The following KMT2B variants were observed in gnomAD, a reference collection of about 807,000 sequenced individuals.
The protein encoded by KMT2B is lysine methyltransferase 2B, also known as histone-lysine N-methyltransferase 2B.
A neutral mutation model predicts 255.3 loss-of-function variants in KMT2B; 22 were observed. That is an observed-to-expected ratio of 0.09 (90% CI 0.06 to 0.12). The LOEUF is 0.12. Ranked by LOEUF, KMT2B falls within the 10% of genes least tolerant of loss-of-function variation. The probability of loss-of-function intolerance (pLI) is 1.00; values close to 1 mark genes in which losing one functional copy is unlikely to be tolerated. For missense variants in KMT2B, 3,149 were observed against 3,737.0 expected, an observed-to-expected ratio of 0.84 and a Z score of 4.10; for synonymous variants, 1,730 against 1,498.1, an observed-to-expected ratio of 1.15 and a Z score of -3.57.
chr19:35,720,428 C>T lies in KMT2B; in HGVS notation c.1081C>T (p.Leu361=), dbSNP rs1969137831. The change falls in exon 3 of 37, where the codon CTG becomes TTG. Residue 361 remains leucine (L), a synonymous_variant. Transcript: ENST00000420124. Reference sequence around the variant, plus strand: ...TTGCTGGAAAAAGCAGGAACAGAAGCTGGATGACGAGGAAGAAGAGAAGAA... The same window carrying T: ...TTGCTGGAAAAAGCAGGAACAGAAGTTGGATGACGAGGAAGAAGAGAAGAA... ...SPCWKKQEQK[L]DDEEEEKKEE... 1.3e-6 allele frequency: 2 copies of T among 1,558,294 alleles called. No homozygotes were observed. The highest frequency in any genetic ancestry group is 2.0e-5 in the Admixed American group (1 of 51,262).
intron 8 of KMT2B, 121 bp downstream of exon 8, chr19:35,724,128 CGGA>C (rs994530292): frequency 1.1e-5 from 11 of 973,962 alleles, no homozygotes; most frequent in Non-Finnish European, 1.3e-5. Context: ...TGGCTGAGGG[CGGA>C]GGAGGAGACA....
At position 35,723,793 on chromosome 19, in the gene KMT2B, T is replaced by C. The variant is rs769448045; in HGVS notation, c.3120T>C (p.Pro1040=). ...WDSDESPEAS[P]GPPGPRRGAG... ...CCGATGAATCTCCTGAGGCCTCCCC[T>C]GGTCCTCCAGGCCCACGCCGGGGGG... Residue 1040 remains proline, a synonymous_variant, in exon 8 of 37, where the codon CCT becomes CCC. Transcript: ENST00000420124. This position sits in a 1 kb window ranked among gnomAD's most constrained non-coding sequence, Gnocchi z 7.5. 1.3e-6 allele frequency: 2 copies of C among 1,585,726 alleles called. No homozygotes were observed. Among genetic ancestry groups the C allele is most frequent in the Admixed American group, 1.8e-5 (1 of 54,598 alleles).
Position 35,732,926 on chromosome 19 carries a change from A to G in KMT2B, c.6377A>G (p.Asp2126Gly). The change falls in exon 28 of 37, where the codon GAT (aspartate) becomes GGT (glycine). Residue 2126 changes from aspartate to glycine, a missense_variant. By Grantham distance (94) the Asp-to-Gly change is moderately conservative. Transcript: ENST00000420124. The part of the protein sequence containing the change: ...FVLKNLGGPG[D>G]GGAGPREESL... The stretch of plus-strand genomic sequence containing the variant: ...TTGAAGAACCTAGGGGGTCCTGGGG[A>G]TGGAGGTGCTGGCCCTAGAGAGGAG... 1 of 1,608,750 alleles carries G rather than the reference A, an allele frequency of 6.2e-7. No individual in the cohort carries two copies.
At position 35,724,894 on chromosome 19, in the gene KMT2B, T is replaced by C. The variant is rs935610138; in HGVS notation, c.3430-95T>C. 3.5e-6 allele frequency: 4 copies of C among 1,156,196 alleles called. No individual in the cohort carries two copies. The African/African-American group carries it at 6.1e-5, about 18-fold the overall frequency. 71.6% of individuals were successfully genotyped at this position (1,156,196 alleles called of 1,614,324 possible). ...GAAAGCAAAGGGGTCTGGATCAGGGTCTGGGTCCAGTAGGCTGGGGGAAAG... is the reference window on the plus strand; with the variant it reads ...GAAAGCAAAGGGGTCTGGATCAGGGCCTGGGTCCAGTAGGCTGGGGGAAAG... On this transcript the variant is annotated intron_variant, in intron 9 of 36. Transcript: ENST00000420124.
Position 35,738,265 on chromosome 19 carries a change from C to A in KMT2B, c.7873-17C>A, listed in dbSNP as rs965010368. The A allele has an allele frequency of 3.1e-6, 5 of 1,613,178 alleles. No homozygotes were observed. The highest frequency in any genetic ancestry group is 4.2e-6 in the Non-Finnish European group (5 of 1,179,340). On this transcript the variant is annotated splice_polypyrimidine_tract_variant and intron_variant, in intron 36 of 36. Coordinates refer to ENST00000420124, the MANE Select transcript of KMT2B (RefSeq NM_014727.3). The surrounding 1 kb of genome is among the most constrained non-coding windows in gnomAD (Gnocchi z 8.7). Reference sequence around the variant, plus strand: ...CGCGGGGACAGAGCACCTGATCTCCCCACCTCATCCCTGCAGGGCATCGGG... The same window carrying A: ...CGCGGGGACAGAGCACCTGATCTCCACACCTCATCCCTGCAGGGCATCGGG...
rs937393842 is a variant in KMT2B, at chr19:35,732,090, C to A, written c.5620C>A (p.Arg1874=). 7 of 1,606,380 alleles carry A rather than the reference C, an allele frequency of 4.4e-6. No individual in the cohort carries two copies. The Admixed American group carries it at 6.8e-5, about 16-fold the overall frequency. The change falls in exon 27 of 37, where the codon CGG becomes AGG. Residue 1874 remains arginine (R), a synonymous_variant. Transcript: ENST00000420124. ...RIKVPNYSPS[R]RPLGGVSFGP... ...CAAAGTGCCCAACTACTCGCCATCC[C>A]GGAGGCCCTTGGGGGGTGTCTCCTT...
rs548194808 is a variant in KMT2B at position 35,731,969 on chromosome 19, G to A, written c.5499G>A (p.Glu1833=). 1 of 1,613,786 alleles carries A rather than the reference G, an allele frequency of 6.2e-7. No homozygotes were observed. Among genetic ancestry groups the A allele is most frequent in the African/African-American group, 1.3e-5 (1 of 75,004 alleles). Residue 1833 remains glutamate, a synonymous_variant, in exon 27 of 37, where the codon GAG becomes GAA. Coordinates refer to ENST00000420124, the MANE Select transcript of KMT2B (RefSeq NM_014727.3). ...ATGTTCTTGTCCCTGGAGCTCCTGA[G>A]CGCCACTCGCCCATTCAGAACCTGG... ...DTDVLVPGAP[E]RHSPIQNLDP...
At chr19:35,719,324 C>T (rs1052207417) in intron 1 of KMT2B, 145 bp from the exon 2 acceptor site, 1 of 645,620 alleles carries the variant, frequency 1.5e-6, no homozygotes, top group African/African-American at 1.8e-5. Flanking sequence ...TTCCACTACC[C>T]GCGACCTTTG....
At chr19:35,729,931 C>G in intron 22 of KMT2B, 36 bp from the exon 23 acceptor site, 1 of 1,595,454 alleles carries the variant, frequency 6.3e-7, no homozygotes, top group African/African-American at 1.3e-5. Flanking sequence ...CAGCCCCAGC[C>G]CTGGCTTCTC....
rs1969401843 is a variant in KMT2B, at chr19:35,725,585, A to C, written c.3749A>C (p.Lys1250Thr). ...GACACCTGGTGCTGCCGTCGCTGCA[A>C]ATTCTGCCACGTCTGTGGACGCAAA... is the stretch of plus-strand genomic sequence containing the variant. ...HHDTWCCRRC[K>T]FCHVCGRKGR... Residue 1250 changes from lysine to threonine, a missense_variant, in exon 12 of 37, where the codon AAA (lysine) becomes ACA (threonine). Around this residue, in one of 18 missense-constraint regions of KMT2B, gnomAD observed 377 missense variants for 471.0 expected, o/e 0.80. Transcript: ENST00000420124. The surrounding 1 kb of genome is among the most constrained non-coding windows in gnomAD (Gnocchi z 4.1). 6.2e-7 allele frequency: 1 copy of C among 1,610,470 alleles called. No individual in the cohort carries two copies. The highest frequency in any genetic ancestry group is 8.5e-7 in the Non-Finnish European group (1 of 1,179,866).
chr19:35,736,932 G>A lies in KMT2B; in HGVS notation c.7318G>A (p.Glu2440Lys), dbSNP rs763845425. 3.1e-6 allele frequency: 5 copies of A among 1,613,906 alleles called. No homozygotes were observed. Among genetic ancestry groups the A allele is most frequent in the Non-Finnish European group, 4.2e-6 (5 of 1,179,868 alleles). Reference sequence around the variant, plus strand: ...CCCAGGGGCGTGGAGAACTCTGATCGAGAAAGTGCAAGAGGCCCGAGGGCA... The same window carrying A: ...CCCAGGGGCGTGGAGAACTCTGATCAAGAAAGTGCAAGAGGCCCGAGGGCA... ...SLEGAWRTLIEKVQEARGHAR... is the reference protein window; with the variant it reads ...SLEGAWRTLIKKVQEARGHAR... The change falls in exon 32 of 37, where the codon GAG becomes AAG. Residue 2440 changes from glutamate to lysine, a missense_variant. Transcript: ENST00000420124.
chr19:35,719,947 C>G lies in KMT2B; in HGVS notation c.600C>G (p.Ala200=), dbSNP rs372461352. 41 of 1,613,396 alleles carry G rather than the reference C, an allele frequency of 2.5e-5. 1 individual carries two copies. The East Asian group carries it at 7.6e-4, about 30-fold the overall frequency. ...CACTGACTGAACTTCTCCGGCGGGC[C>G]CAGGCACCCCAAGCACCCCGGAGCC... ...VQALTELLRR[A]QAPQAPRSRA... The change falls in exon 3 of 37, where the codon GCC becomes GCG. Residue 200 remains alanine, a synonymous_variant. Transcript: ENST00000420124.
chr19:35,727,645 G>T lies in KMT2B; in HGVS notation c.4302+23G>T. 1 of 1,612,076 alleles carries T rather than the reference G, an allele frequency of 6.2e-7. No individual in the cohort carries two copies. On this transcript the variant is annotated intron_variant, in intron 16 of 36. Transcript: ENST00000420124. This position sits in a 1 kb window ranked among gnomAD's most constrained non-coding sequence, Gnocchi z 4.2. ...CAGGTCTGGAGGGCCCTGGAGGCAG[G>T]ATGGGCCGGGGCTAGGCCCACCCCC... is the stretch of plus-strand genomic sequence containing the variant.
In KMT2B at chr19:35,732,110, C is replaced by T; in HGVS notation, c.5640C>T (p.Val1880=). Reference sequence around the variant, plus strand: ...CATCCCGGAGGCCCTTGGGGGGTGTCTCCTTTGGCCCCCTGCCCTCCCCTG... The same window carrying T: ...CATCCCGGAGGCCCTTGGGGGGTGTTTCCTTTGGCCCCCTGCCCTCCCCTG... ...YSPSRRPLGG[V]SFGPLPSPGS... The change falls in exon 27 of 37, where the codon GTC becomes GTT. Residue 1880 remains valine (V), a synonymous_variant. Coordinates refer to ENST00000420124, the MANE Select transcript of KMT2B (RefSeq NM_014727.3). 4.4e-6 allele frequency: 7 copies of T among 1,600,198 alleles called. No individual in the cohort carries two copies. Among genetic ancestry groups the T allele is most frequent in the Non-Finnish European group, 6.0e-6 (7 of 1,173,614 alleles).
In KMT2B at chr19:35,732,125, G is replaced by T; in HGVS notation, c.5655G>T (p.Leu1885=). 6.3e-7 allele frequency: 1 copy of T among 1,593,026 alleles called. No homozygotes were observed. Among genetic ancestry groups the T allele is most frequent in the Non-Finnish European group, 8.5e-7 (1 of 1,169,970 alleles). ...RPLGGVSFGP[L]PSPGSPSSLT... Reference sequence around the variant, plus strand: ...TGGGGGGTGTCTCCTTTGGCCCCCTGCCCTCCCCTGGTGAGCACCGGGCAT... The same window carrying T: ...TGGGGGGTGTCTCCTTTGGCCCCCTTCCCTCCCCTGGTGAGCACCGGGCAT... Residue 1885 remains leucine (L), a synonymous_variant, in exon 27 of 37, where the codon CTG becomes CTT. Coordinates refer to ENST00000420124, the MANE Select transcript of KMT2B (RefSeq NM_014727.3).
intron 8 of KMT2B, 98 bp from the exon 9 acceptor site, chr19:35,724,533 TGGTTAG>T: frequency 1.1e-6 from 1 of 932,064 alleles, no homozygotes; most frequent in Middle Eastern, 2.1e-4. Context: ...TGGCGGGTCT[TGGTTAG>T]TTAAAGAAGG....
rs1027348633 is a variant in KMT2B, at chr19:35,733,470, A to C, written c.6921A>C (p.Ser2307=). Residue 2307 remains serine (S), a synonymous_variant, in exon 28 of 37, where the codon TCA becomes TCC. Transcript: ENST00000420124. This position sits in a 1 kb window ranked among gnomAD's most constrained non-coding sequence, Gnocchi z 4.3. ...GGCTGGATGAAGATGGAGAGGCCTCAGAGGATACCCCTCAGGTTCCAGGGC... is the reference window on the plus strand; with the variant it reads ...GGCTGGATGAAGATGGAGAGGCCTCCGAGGATACCCCTCAGGTTCCAGGGC... The part of the protein sequence containing the change: ...APRLDEDGEA[S]EDTPQVPGLG... 15 of 1,564,192 alleles carry C rather than the reference A, an allele frequency of 9.6e-6. No individual in the cohort carries two copies. Among genetic ancestry groups the C allele is most frequent in the Non-Finnish European group, 1.1e-5 (13 of 1,154,686 alleles).
chr19:35,728,202 C>G, intron 19 of KMT2B, 31 bp downstream of exon 19: 1 of 1,556,802 alleles, frequency 6.4e-7, no homozygotes, highest in Non-Finnish European at 8.7e-7. Context: ...GAAGGGAAGC[C>G]GGGGAGTGAG....
Position 35,723,094 on chromosome 19 carries a change from C to T in KMT2B, c.2822C>T (p.Ser941Phe). Reference sequence around the variant, plus strand: ...GGGGGAGAATCAGAGCCCACAGGTTCTGGAGGGACCCTGGCCCACACACCC... The same window carrying T: ...GGGGGAGAATCAGAGCCCACAGGTTTTGGAGGGACCCTGGCCCACACACCC... ...GPGGESEPTGSGGTLAHTPRR... is the reference protein window; with the variant it reads ...GPGGESEPTGFGGTLAHTPRR... Residue 941 changes from serine to phenylalanine, a missense_variant, in exon 6 of 37, where the codon TCT becomes TTT. Physicochemically the swap from Ser to Phe is radical, Grantham distance 155. Transcript: ENST00000420124. The surrounding 1 kb of genome is among the most constrained non-coding windows in gnomAD (Gnocchi z 7.5). The T allele has an allele frequency of 2.5e-6, 4 of 1,613,338 alleles. No individual in the cohort carries two copies. Among genetic ancestry groups the T allele is most frequent in the South Asian group, 1.1e-5 (1 of 91,084 alleles).
Sources: allele counts gnomAD v4.1 joint callset, GRCh38; gene constraint gnomAD v4.1.1; regional missense constraint gnomAD v4.1.1; non-coding constraint Gnocchi (gnomAD v3.1); transcripts MANE v1.5; gene names NCBI Gene and HGNC (gene_info 2026-07-23, HGNC 2026-07-21).